FARP1: variants seen among roughly 807,000 people sequenced by gnomAD.
The protein encoded by FARP1 is FERM, ARH/RhoGEF and pleckstrin domain protein 1.
FARP1 carries 52 observed loss-of-function variants against 128.8 expected under a neutral mutation model. The ratio of observed to expected loss-of-function variants is 0.40; its 90% confidence interval spans 0.32 to 0.51. The LOEUF (loss-of-function observed/expected upper bound fraction) is 0.51, where lower values mean the gene tolerates loss of function less well. Ranked by LOEUF, FARP1 falls within the 20% of genes least tolerant of loss-of-function variation. The pLI is 0.45. For synonymous variants in FARP1, 580 were observed against 551.8 expected (o/e 1.05, Z -0.72); for missense variants, 1,333 against 1,367.9 (o/e 0.97, Z 0.40).
At chr13:98,322,559 G>A (rs372485415) in intron 2 of FARP1, among the ~76,000 whole-genome samples, 16 of 84,884 alleles carry the variant, frequency 1.9e-4, no homozygotes, top group African/African-American at 5.4e-4. Context: ...CTCCTTAGCC[G>A]TCAGTGCTCC....
chr13:98,399,889 G>T (rs1422850573), intron 13 of FARP1: 2 of 152,176 alleles, frequency 1.3e-5, no homozygotes, highest in South Asian at 2.1e-4. Flanking sequence ...AAAAACGCAA[G>T]AAATTCTTTT....
intron 17 of FARP1, 76 bp downstream of exon 17, chr13:98,424,726 A>T (rs552157644): frequency 1.0e-4 from 104 of 1,001,716 alleles, no homozygotes; most frequent in Non-Finnish European, 1.6e-4. Flanking sequence ...CATAGGCTGT[A>T]AGCCATTTCC....
intron 11 of FARP1, among the ~76,000 whole-genome samples, chr13:98,391,704 G>T (rs1890312817): frequency 6.6e-6 from 1 of 152,154 alleles, no homozygotes; most frequent in African/African-American, 2.4e-5. Flanking sequence ...TGAGGTCAGT[G>T]CTCTTTTATT....
At chr13:98,146,430 G>A (rs528850415) in intron 1 of FARP1, among the ~76,000 whole-genome samples, 1 of 152,326 alleles carries the variant, frequency 6.6e-6, no homozygotes, top group South Asian at 2.1e-4. Flanking sequence ...GTTTCTCCAT[G>A]TTGGTCAGGC....
intron 22 of FARP1, 34 bp from the exon 23 acceptor site, chr13:98,440,089 G>A (rs769070971): frequency 1.9e-6 from 3 of 1,610,624 alleles, no homozygotes; most frequent in East Asian, 2.2e-5. Context: ...TTGATGTGCT[G>A]TGGCCTGAAC....
rs1254284786 is a variant in FARP1 at position 98,377,801 on chromosome 13, A to T, written c.399-20A>T. The T allele has an allele frequency of 6.2e-7, 1 of 1,603,338 alleles. No homozygotes were observed. ...CTCCTGCCCTCTTTGCCTGACGCCC[A>T]GCTCTGTTGATCTTCGCAGGTACCT... On this transcript the variant is annotated intron_variant, in intron 5 of 26. Coordinates refer to ENST00000319562, the MANE Select transcript of FARP1 (RefSeq NM_005766.4).
chr13:98,272,093 G>A lies in FARP1; in HGVS notation c.171+58680G>A, dbSNP rs149198242. ...CTCCCAGGCTAGAGTGCAGTGGTGC[G>A]ATCTTGGCTCACTGCAACCTGTACC... On this transcript the variant is annotated intron_variant, in intron 2 of 26. Coordinates refer to ENST00000319562, the MANE Select transcript of FARP1 (RefSeq NM_005766.4). Among the ~76,000 whole-genome samples, 837 of 151,982 alleles carry A rather than the reference G, an allele frequency of 5.5e-3. 12 individuals are homozygous for A. Among genetic ancestry groups the A allele is most frequent in the African/African-American group, 0.019 (795 of 41,428 alleles).
At chr13:98,202,206 C>T (rs1386913831) in intron 1 of FARP1, among the ~76,000 whole-genome samples, 1 of 152,224 alleles carries the variant, frequency 6.6e-6, no homozygotes, top group Non-Finnish European at 1.5e-5. Context: ...GACAGAGGCA[C>T]AAGGTGGCTT....
At chr13:98,446,064 C>T (rs2274053) in intron 24 of FARP1, 34 bp from the exon 25 acceptor site, 1,175,480 of 1,464,782 alleles carry the variant, frequency 0.8, 477,714 homozygotes, top group Non-Finnish European at 0.84. Context: ...GGCAGGTGCC[C>T]GCTGTGCTTC....
intron 2 of FARP1, among the ~76,000 whole-genome samples, chr13:98,266,466 T>C (rs1461117887): frequency 1.3e-5 from 2 of 152,108 alleles, no homozygotes; most frequent in African/African-American, 2.4e-5. Flanking sequence ...TGGGCCCAGC[T>C]CAGCGTCCAC....
intron 2 of FARP1, among the ~76,000 whole-genome samples, chr13:98,331,188 C>T (rs1445687791): frequency 2.0e-5 from 3 of 152,148 alleles, no homozygotes; most frequent in Admixed American, 6.6e-5. Context: ...AATTCATAAT[C>T]TTTTAGTCCT....
At chr13:98,209,808 A>C (rs1263610632) in intron 1 of FARP1, among the ~76,000 whole-genome samples, 1 of 69,640 alleles carries the variant, frequency 1.4e-5, no homozygotes, top group African/African-American at 1.0e-4. Context: ...AAAAAAAAAA[A>C]AAAAAAAAAA....
At chr13:98,418,084 C>G (rs575124699) in intron 16 of FARP1, among the ~76,000 whole-genome samples, 48 of 152,272 alleles carry the variant, frequency 3.2e-4, no homozygotes, top group African/African-American at 1.1e-3. Context: ...AAGTCTCGCT[C>G]TGTTGCCCAG....
chr13:98,377,981 G>GA lies in FARP1; in HGVS notation c.496+70dup, dbSNP rs924843080. 1.3e-5 allele frequency: 16 copies of GA among 1,231,344 alleles called. No homozygotes were observed. In the African/African-American group the frequency reaches 1.5e-4, roughly 12 times the overall value. 76.3% of individuals were successfully genotyped at this position (1,231,344 alleles called of 1,614,324 possible). ...AATAACACAGTGATCTGATTGATGG[G>GA]AAAAAAATCACATCCACCAAAAAAG... On this transcript the variant is annotated intron_variant, in intron 6 of 26. Transcript: ENST00000319562.
intron 2 of FARP1, chr13:98,245,169 A>T: frequency 1.0e-6 from 1 of 991,748 alleles, no homozygotes. Flanking sequence ...TTTAGTTTTT[A>T]AAAGGAGTAC....
intron 2 of FARP1, among the ~76,000 whole-genome samples, chr13:98,290,656 G>GGACA (rs1308296319): frequency 6.6e-6 from 1 of 152,128 alleles, no homozygotes; most frequent in Non-Finnish European, 1.5e-5. Flanking sequence ...TGCTGAGTTG[G>GGACA]GACAGTAGTG....
At chr13:98,354,663 C>T (rs984995545) in intron 3 of FARP1, among the ~76,000 whole-genome samples, 3 of 151,992 alleles carry the variant, frequency 2.0e-5, no homozygotes, top group Non-Finnish European at 2.9e-5. Context: ...TAAGTATTTA[C>T]GTAAGAGAAA....
intron 2 of FARP1, among the ~76,000 whole-genome samples, chr13:98,227,260 C>T (rs1815388): frequency 2.0e-5 from 3 of 151,928 alleles, no homozygotes; most frequent in Non-Finnish European, 2.9e-5. Context: ...GCATTTCTAA[C>T]GTTCATGTTC....
chr13:98,222,227 T>C (rs1362678455), intron 2 of FARP1, among the ~76,000 whole-genome samples: 2 of 152,148 alleles, frequency 1.3e-5, no homozygotes, highest in African/African-American at 4.8e-5. Context: ...TGGAATGTGG[T>C]CTTGGAAACA....
Sources: allele counts gnomAD v4.1 joint callset (sites outside exome capture counted in the v4.1 genomes callset), GRCh38; gene constraint gnomAD v4.1.1; transcripts MANE v1.5; gene names NCBI Gene and HGNC (gene_info 2026-07-23, HGNC 2026-07-21).